The following AOPEP variants were observed in gnomAD, a reference collection of about 807,000 sequenced individuals.
AOPEP encodes aminopeptidase O.
A neutral mutation model predicts 98.1 loss-of-function variants in AOPEP; 77 were observed. The ratio of observed to expected loss-of-function variants is 0.78; its 90% CI spans 0.65 to 0.95. AOPEP has a LOEUF of 0.95. Among genes scored for constraint, AOPEP ranks in the 40% least tolerant of loss-of-function variants. The pLI, the probability that AOPEP is intolerant of heterozygous loss-of-function variation, is 0.00. For synonymous variants in AOPEP, 346 were observed against 365.3 expected, an observed-to-expected ratio of 0.95 and a Z score of 0.60; for missense variants, 1,024 against 1,024.7, an observed-to-expected ratio of 1.00 and a Z score of 0.01.
chr9:94,882,492 T>C (rs2135878657), intron 5 of AOPEP, among the ~76,000 whole-genome samples: 1 of 152,308 alleles, frequency 6.6e-6, no homozygotes, highest in South Asian at 2.1e-4. Flanking sequence ...AACTTAACTA[T>C]TGGCTGGGTG....
At chr9:94,742,818 T>C (rs989150531) in intron 1 of AOPEP, among the ~76,000 whole-genome samples, 4 of 151,328 alleles carry the variant, frequency 2.6e-5, no homozygotes, top group Non-Finnish European at 5.9e-5. Context: ...ATTTTGTGTT[T>C]TTTTCTTTTT....
chr9:95,003,175 C>T (rs1182740426), intron 11 of AOPEP, among the ~76,000 whole-genome samples: 3 of 150,010 alleles, frequency 2.0e-5, no homozygotes, highest in African/African-American at 5.1e-5. Flanking sequence ...TGCGCGCGCG[C>T]GCGCGTGTGT....
intron 5 of AOPEP, among the ~76,000 whole-genome samples, chr9:94,880,851 T>C (rs2047500821): frequency 6.6e-6 from 1 of 152,198 alleles, no homozygotes; most frequent in South Asian, 2.1e-4. Flanking sequence ...CAACATACCC[T>C]GCCTGATATT....
At chr9:95,100,307 G>A in the AOPEP span, 3 of 232,468 alleles carry the variant, frequency 1.3e-5, no homozygotes, top group Non-Finnish European at 1.7e-5. Flanking sequence ...CCTTCTGACT[G>A]CAGCATTTCT....
the AOPEP span, chr9:95,135,195 G>C: frequency 1.3e-6 from 1 of 799,154 alleles, no homozygotes; most frequent in South Asian, 1.6e-5. Flanking sequence ...CTATGTTAGT[G>C]ATTTCAAAAA....
At chr9:95,023,463 A>G (rs1012245877) in intron 13 of AOPEP, among the ~76,000 whole-genome samples, 3 of 152,212 alleles carry the variant, frequency 2.0e-5, no homozygotes, top group East Asian at 3.9e-4. Context: ...CCATGGGGCC[A>G]CTCTGCCCTA....
At chr9:94,932,471 TTC>T (rs1383779848) in intron 7 of AOPEP, 2 of 178,926 alleles carry the variant, frequency 1.1e-5, no homozygotes, top group East Asian at 3.8e-4. Context: ...TTTTTTTCTT[TTC>T]TTTCTTTCTT....
At chr9:94,757,203 T>G (rs758030666) in intron 1 of AOPEP, among the ~76,000 whole-genome samples, 3 of 152,234 alleles carry the variant, frequency 2.0e-5, no homozygotes, top group Non-Finnish European at 4.4e-5. Flanking sequence ...CTTTGAGGTA[T>G]GGTTGAGTTG....
At chr9:94,766,826 T>TTTTG (rs143565910) in intron 2 of AOPEP, among the ~76,000 whole-genome samples, 1 of 152,180 alleles carries the variant, frequency 6.6e-6, no homozygotes, top group African/African-American at 2.4e-5. Context: ...ATTGTGATTT[T>TTTTG]TTTGTTTGTT....
the AOPEP span, chr9:95,109,510 C>A: frequency 6.6e-6 from 1 of 151,610 alleles, no homozygotes; most frequent in Admixed American, 6.6e-5. Context: ...GGTATCTAAA[C>A]GACTTTTTTT....
In AOPEP at chr9:94,793,560, C is replaced by T. The variant is rs899712207; in HGVS notation, c.1118+642C>T. ...GGCATGGTGGCGGATGCCTGTAATCCCAGCTACTTGGGAGGCTGAGGCAGG... is the reference window on the plus strand; with the variant it reads ...GGCATGGTGGCGGATGCCTGTAATCTCAGCTACTTGGGAGGCTGAGGCAGG... On this transcript the variant is annotated intron_variant, in intron 4 of 16. Coordinates refer to ENST00000375315, the MANE Select transcript of AOPEP (RefSeq NM_001193329.3). Among the ~76,000 whole-genome samples the T allele has an allele frequency of 7.9e-5, 12 of 151,618 alleles. 1 individual carries two copies. Among genetic ancestry groups the T allele is most frequent in the African/African-American group, 2.9e-4 (12 of 41,238 alleles).
chr9:95,071,217 A>G (rs372614233), intron 14 of AOPEP, among the ~76,000 whole-genome samples: 3 of 152,198 alleles, frequency 2.0e-5, no homozygotes, highest in East Asian at 3.9e-4. Context: ...GTTGTTTCCC[A>G]AATCTGAAAA....
chr9:95,014,471 CAAAA>C (rs886672341), intron 13 of AOPEP, among the ~76,000 whole-genome samples: 9 of 136,922 alleles, frequency 6.6e-5, no homozygotes, highest in African/African-American at 2.2e-4. Flanking sequence ...GACCCTGTTT[CAAAA>C]AAAAAAAAGA....
chr9:95,005,653 G>C (rs1467818732), intron 13 of AOPEP, 37 bp downstream of exon 13: 1 of 1,564,118 alleles, frequency 6.4e-7, no homozygotes, highest in East Asian at 2.2e-5. Context: ...TGCAGGTCTT[G>C]GTAAATCCGC....
intron 13 of AOPEP, among the ~76,000 whole-genome samples, chr9:95,048,558 C>A (rs1587790807): frequency 6.6e-6 from 1 of 152,200 alleles, no homozygotes; most frequent in South Asian, 2.1e-4. Flanking sequence ...CGGCCCACCC[C>A]TCCGGCCGCG....
At chr9:94,954,049 G>A (rs189393861) in intron 7 of AOPEP, among the ~76,000 whole-genome samples, 22 of 152,298 alleles carry the variant, frequency 1.4e-4, no homozygotes, top group African/African-American at 4.8e-4. Flanking sequence ...AAAGCTGGGC[G>A]TGGTGGCTCA....
intron 1 of AOPEP, among the ~76,000 whole-genome samples, chr9:94,749,515 G>A (rs1307810718): frequency 6.6e-6 from 1 of 152,066 alleles, no homozygotes; most frequent in Non-Finnish European, 1.5e-5. Flanking sequence ...TCTTTTGCCT[G>A]TCCATCTTGG....
At chr9:94,983,813 AT>A (rs749792219) in intron 11 of AOPEP, among the ~76,000 whole-genome samples, 101 of 150,928 alleles carry the variant, frequency 6.7e-4, no homozygotes, top group Non-Finnish European at 1.1e-3. Context: ...CCTGCCTTAC[AT>A]GTTTCTCTCT....
At chr9:94,746,061 C>T (rs7850601) in intron 1 of AOPEP, among the ~76,000 whole-genome samples, 11,777 of 152,162 alleles carry the variant, frequency 0.077, 1,323 homozygotes, top group African/African-American at 0.25. Flanking sequence ...TGAACTCTTT[C>T]GAGTGTTAGA....
Sources: allele counts gnomAD v4.1 joint callset (sites outside exome capture counted in the v4.1 genomes callset), GRCh38; gene constraint gnomAD v4.1.1; transcripts MANE v1.5; gene names NCBI Gene and HGNC (gene_info 2026-07-23, HGNC 2026-07-21).